Variants in PIP5K1C observed in about 807,000 individuals in gnomAD.
PIP5K1C encodes the protein phosphatidylinositol-4-phosphate 5-kinase type 1 gamma, also known as phosphatidylinositol 4-phosphate 5-kinase type-1 gamma.
In PIP5K1C, 45 loss-of-function variants were observed where a neutral mutation model predicts 80.1. The ratio of observed to expected loss-of-function variants is 0.56; its 90% CI spans 0.44 to 0.72. PIP5K1C has a LOEUF of 0.72. Among genes scored for constraint, PIP5K1C ranks in the 30% least tolerant of loss-of-function variants. PIP5K1C has a pLI of 0.00. For missense variants in PIP5K1C, 753 were observed against 954.6 expected, an observed-to-expected ratio of 0.79 and a Z score of 2.78; for synonymous variants, 498 against 420.1, an observed-to-expected ratio of 1.19 and a Z score of -2.27.
chr19:3,653,799 C>T (rs2034532191), intron 6 of PIP5K1C, among the ~76,000 whole-genome samples: 1 of 152,232 alleles, frequency 6.6e-6, no homozygotes, highest in Non-Finnish European at 1.5e-5. Context: ...CTGTGAGCTC[C>T]AGGAGGGTCT....
intron 10 of PIP5K1C, among the ~76,000 whole-genome samples, chr19:3,646,533 C>A (rs1414005669): frequency 1.3e-5 from 2 of 152,286 alleles, no homozygotes; most frequent in Middle Eastern, 6.8e-3. Context: ...TGGTGCCCGG[C>A]CACTCTGGGC....
intron 1 of PIP5K1C, among the ~76,000 whole-genome samples, chr19:3,690,810 C>T (rs1377547044): frequency 2.0e-5 from 3 of 152,140 alleles, no homozygotes; most frequent in Admixed American, 2.0e-4. Flanking sequence ...CACAATCATA[C>T]AGGTCCCAGA....
At chr19:3,639,598 A>ATT (rs759166457) in intron 15 of PIP5K1C, among the ~76,000 whole-genome samples, 4 of 142,424 alleles carry the variant, frequency 2.8e-5, no homozygotes, top group Non-Finnish European at 4.6e-5. Context: ...CACCCAACTA[A>ATT]TTTTTTTTTT....
intron 7 of PIP5K1C, among the ~76,000 whole-genome samples, chr19:3,652,620 C>T (rs914151620): frequency 2.6e-5 from 4 of 152,200 alleles, no homozygotes; most frequent in Admixed American, 6.5e-5. Context: ...GGGACGGGGA[C>T]GACGGAGCTA....
chr19:3,650,408 C>G (rs1027130580), intron 8 of PIP5K1C, among the ~76,000 whole-genome samples: 4 of 152,278 alleles, frequency 2.6e-5, no homozygotes, highest in African/African-American at 9.6e-5. Context: ...GTGACCAGGG[C>G]ACAATCTCAG....
At chr19:3,683,934 C>A (rs1299281407) in intron 1 of PIP5K1C, among the ~76,000 whole-genome samples, 2 of 147,636 alleles carry the variant, frequency 1.4e-5, no homozygotes, top group African/African-American at 5.0e-5. Flanking sequence ...CACACCCCCC[C>A]CACGCTGGAG....
chr19:3,637,185 C>T lies in PIP5K1C; in HGVS notation c.1920+1699G>A. The T allele has an allele frequency of 7.0e-7, 1 of 1,429,320 alleles. No homozygotes were observed. Among genetic ancestry groups the T allele is most frequent in the Non-Finnish European group, 9.1e-7 (1 of 1,096,254 alleles). The allele number at this position is 1,429,320 out of a possible 1,614,324, so 88.5% of individuals were successfully genotyped here. On this transcript the variant is annotated intron_variant, in intron 16 of 17. Transcript: ENST00000335312. This position sits in a 1 kb window ranked among gnomAD's most constrained non-coding sequence, Gnocchi z 7.0. ...GGTCTGCACGAGTGAGAAGCGTCCA[C>T]CCAAGACACCCTGACACGAGAGGGC...
At chr19:3,656,623 G>C (rs1168822164) in intron 5 of PIP5K1C, 66 bp from the exon 6 acceptor site, 21 of 1,576,340 alleles carry the variant, frequency 1.3e-5, no homozygotes, top group Non-Finnish European at 1.7e-5. Flanking sequence ...ACTGGCTTCC[G>C]GTCTGCCCAA....
Position 3,641,794 on chromosome 19 carries a change from T to A in PIP5K1C, c.1698A>T (p.Pro566=). The change falls in exon 15 of 18, where the codon CCA becomes CCT. Residue 566 remains proline (P), a synonymous_variant. Coordinates refer to ENST00000335312, the MANE Select transcript of PIP5K1C (RefSeq NM_012398.3). The stretch of plus-strand genomic sequence containing the variant: ...TCTGCTGCAGATCCTCTTCCGCGGG[T>A]GGCTCCTCCTGCGGCCTGCAGGCAA... The part of the protein sequence containing the change: ...SGQDGRPQEE[P]PAEEDLQQIT... The A allele has an allele frequency of 2.5e-6, 4 of 1,611,624 alleles. No individual in the cohort carries two copies. The highest frequency in any genetic ancestry group is 3.4e-6 in the Non-Finnish European group (4 of 1,179,758).
In PIP5K1C at chr19:3,643,356, C is replaced by A. The variant is rs779419757; in HGVS notation, c.1536G>T (p.Thr512=). The A allele has an allele frequency of 1.9e-6, 3 of 1,613,750 alleles. No homozygotes were observed. The highest frequency in any genetic ancestry group is 2.5e-6 in the Non-Finnish European group (3 of 1,179,936). ...TAGTGGCTTCTTCGAAAGAAGGTGG[C>A]GTGCAGGGCAGGAGGTCGGGCCGGC... ...DEGRPDLLPC[T]PPSFEEATTA... The change falls in exon 13 of 18, where the codon ACG becomes ACT. Residue 512 remains threonine (T), a synonymous_variant. Coordinates refer to ENST00000335312, the MANE Select transcript of PIP5K1C (RefSeq NM_012398.3).
intron 1 of PIP5K1C, among the ~76,000 whole-genome samples, chr19:3,699,620 C>G (rs1025472710): frequency 2.6e-5 from 4 of 152,342 alleles, no homozygotes; most frequent in Admixed American, 1.3e-4. Flanking sequence ...GGGCTCTGCA[C>G]ACCGTCCCCA....
intron 1 of PIP5K1C, among the ~76,000 whole-genome samples, chr19:3,673,547 G>A (rs1012234894): frequency 2.6e-5 from 4 of 152,168 alleles, no homozygotes; most frequent in South Asian, 4.1e-4. Context: ...GGGTGGGGCC[G>A]CTGCCCAGAG....
intron 15 of PIP5K1C, 135 bp from the exon 16 acceptor site, chr19:3,639,151 C>T (rs1023579963): frequency 2.7e-5 from 28 of 1,031,592 alleles, no homozygotes; most frequent in East Asian, 5.0e-5. Flanking sequence ...GACCACAGGC[C>T]GCGCGCTCCT....
Position 3,637,660 on chromosome 19 carries a change from G to A in PIP5K1C, c.1920+1224C>T, listed in dbSNP as rs2033756447. 6.6e-7 allele frequency: 1 copy of A among 1,512,240 alleles called. No homozygotes were observed. The highest frequency in any genetic ancestry group is 8.8e-7 in the Non-Finnish European group (1 of 1,133,556). The allele number at this position is 1,512,240 out of a possible 1,614,324, so 93.7% of individuals were successfully genotyped here. A position where few individuals can be genotyped will look rare whatever the true frequency, so the allele number is the denominator to read the frequency against. ...GGCCGGAGGAGGAAGGAAAACAGAG[G>A]ACAGCGGATGAGGCGGCCACCCCCG... On this transcript the variant is annotated intron_variant, in intron 16 of 17. Coordinates refer to ENST00000335312, the MANE Select transcript of PIP5K1C (RefSeq NM_012398.3). This position sits in a 1 kb window ranked among gnomAD's most constrained non-coding sequence, Gnocchi z 7.0.
rs199956129 is a variant in PIP5K1C, at chr19:3,646,074, G to A, written c.1261-16C>T. On this transcript the variant is annotated splice_polypyrimidine_tract_variant and intron_variant, in intron 10 of 17. Coordinates refer to ENST00000335312, the MANE Select transcript of PIP5K1C (RefSeq NM_012398.3). ...ACACCGTGTCCTGGAAGAGAGTTGG[G>A]GGGGGTGCCCGGGGGCAGAGGGTGC... 32 of 1,582,024 alleles carry A rather than the reference G, an allele frequency of 2.0e-5. No homozygotes were observed. The Admixed American group carries it at 3.7e-4, about 18-fold the overall frequency.
intron 8 of PIP5K1C, among the ~76,000 whole-genome samples, chr19:3,650,606 G>C (rs1165868300): frequency 6.6e-6 from 1 of 152,190 alleles, no homozygotes; most frequent in East Asian, 1.9e-4. Flanking sequence ...TGTCCCAGGA[G>C]AGCTCTGTGA....
intron 1 of PIP5K1C, among the ~76,000 whole-genome samples, chr19:3,694,270 G>C (rs905098213): frequency 2.0e-5 from 3 of 150,898 alleles, no homozygotes; most frequent in African/African-American, 7.3e-5. Flanking sequence ...AGAGGCACAC[G>C]GGTCTAAGCG....
At chr19:3,646,762 A>C (rs2034233799) in intron 10 of PIP5K1C, among the ~76,000 whole-genome samples, 1 of 152,170 alleles carries the variant, frequency 6.6e-6, no homozygotes, top group Non-Finnish European at 1.5e-5. Context: ...GCTCTTTTGA[A>C]AAATGGGGGT....
chr19:3,680,095 A>C (rs990109999), intron 1 of PIP5K1C, among the ~76,000 whole-genome samples: 2 of 152,176 alleles, frequency 1.3e-5, no homozygotes, highest in African/African-American at 4.8e-5. Flanking sequence ...CCCTGAAGTG[A>C]CTACAGGCTA....
Sources: allele counts gnomAD v4.1 joint callset (sites outside exome capture counted in the v4.1 genomes callset), GRCh38; gene constraint gnomAD v4.1.1; non-coding constraint Gnocchi (gnomAD v3.1); transcripts MANE v1.5; gene names NCBI Gene and HGNC (gene_info 2026-07-23, HGNC 2026-07-21).